The following RARB variants were observed in gnomAD, a reference collection of about 807,000 sequenced individuals.
The protein encoded by RARB is retinoic acid receptor beta.
In RARB, 17 loss-of-function variants were observed where a neutral mutation model predicts 51.9. That is an observed-to-expected ratio of 0.33 (90% CI 0.22 to 0.49). The LOEUF is 0.49. Among genes scored for constraint, RARB ranks in the 20% least tolerant of loss-of-function variants. The pLI, the probability that RARB is intolerant of heterozygous loss-of-function variation, is 0.99. For missense variants in RARB, 369 were observed against 550.8 expected, an observed-to-expected ratio of 0.67 and a Z score of 3.30; for synonymous variants, 215 against 195.4, an observed-to-expected ratio of 1.10 and a Z score of -0.84.
chr3:25,208,968 G>A (rs1373889276), intron 5 of RARB, among the ~76,000 whole-genome samples: 1 of 152,142 alleles, frequency 6.6e-6, no homozygotes, highest in African/African-American at 2.4e-5. Context: ...GACTACCCTG[G>A]GTCTAGGCTA....
chr3:25,047,050 C>G (rs1698232629), intron 2 of RARB, among the ~76,000 whole-genome samples: 1 of 152,168 alleles, frequency 6.6e-6, no homozygotes, highest in Non-Finnish European at 1.5e-5. Context: ...ACCCTTGTCA[C>G]TAAGAGCTCC....
At chr3:25,291,985 TTACCAATTTAA>T (rs1206528055) in intron 5 of RARB, among the ~76,000 whole-genome samples, 1 of 152,078 alleles carries the variant, frequency 6.6e-6, no homozygotes, top group Non-Finnish European at 1.5e-5. Flanking sequence ...CACTAAAATT[TTACCAATTTAA>T]TACAACGTTG....
rs541831350 is a variant in RARB at position 24,946,888 on chromosome 3, C to A, written c.-380+88136C>A. On this transcript the variant is annotated intron_variant, in intron 2 of 11. Transcript: ENST00000383772. The stretch of plus-strand genomic sequence containing the variant: ...AATCATAATAGTAATAATAGCAAGG[C>A]TCATGGAAAAAACAGAACAGACCAC... Among the ~76,000 whole-genome samples, 9 of 152,168 alleles carry A rather than the reference C, an allele frequency of 5.9e-5. No individual in the cohort carries two copies. The South Asian group carries it at 1.9e-3, about 32-fold the overall frequency.
At chr3:25,329,130 T>G (rs1007166051) in intron 5 of RARB, among the ~76,000 whole-genome samples, 1 of 152,186 alleles carries the variant, frequency 6.6e-6, no homozygotes, top group Non-Finnish European at 1.5e-5. Context: ...CAGCAGAAAC[T>G]TCTGCAGACT....
intron 3 of RARB, among the ~76,000 whole-genome samples, chr3:25,079,585 C>G (rs181214408): frequency 6.6e-6 from 1 of 152,236 alleles, no homozygotes; most frequent in East Asian, 1.9e-4. Context: ...CTGAGGGTTT[C>G]TATCATAATA....
intron 2 of RARB, among the ~76,000 whole-genome samples, chr3:24,942,240 GTTGGGATATAAA>G (rs1695682527): frequency 6.6e-6 from 1 of 152,180 alleles, no homozygotes; most frequent in Non-Finnish European, 1.5e-5. Flanking sequence ...TGCATTAGGT[GTTGGGATATAAA>G]AATAAACCAA....
intron 4 of RARB, among the ~76,000 whole-genome samples, chr3:25,133,963 TAAA>T (rs548061331): frequency 1.1e-4 from 14 of 127,562 alleles, no homozygotes; most frequent in South Asian, 2.5e-4. Flanking sequence ...CTGTTTTCAT[TAAA>T]AAAAAAAAAA....
chr3:24,962,730 CAGTTTCATCCTAAATCCACGA>C (rs1311444058), intron 2 of RARB, among the ~76,000 whole-genome samples: 3 of 152,174 alleles, frequency 2.0e-5, no homozygotes, highest in Non-Finnish European at 4.4e-5. Flanking sequence ...TGAGGTGGAA[CAGTTTCATCCTAAATCCACGA>C]AAGCAGTCTC....
chr3:25,196,470 T>C (rs1701239536), intron 5 of RARB, among the ~76,000 whole-genome samples: 1 of 152,188 alleles, frequency 6.6e-6, no homozygotes, highest in Non-Finnish European at 1.5e-5. Context: ...CAGTCTATCA[T>C]TGATGGACAT....
chr3:25,334,305 T>G (rs1030144333), intron 5 of RARB, among the ~76,000 whole-genome samples: 4 of 152,146 alleles, frequency 2.6e-5, no homozygotes, highest in South Asian at 2.1e-4. Context: ...TAGACCGGAT[T>G]AAGAAAATGT....
At chr3:25,299,408 C>A (rs1488494961) in intron 5 of RARB, among the ~76,000 whole-genome samples, 2 of 152,088 alleles carry the variant, frequency 1.3e-5, no homozygotes, top group African/African-American at 4.8e-5. Context: ...CCATGTTGCC[C>A]AGGCTGGTCT....
intron 5 of RARB, among the ~76,000 whole-genome samples, chr3:25,341,916 C>G (rs1705239643): frequency 6.6e-6 from 1 of 152,136 alleles, no homozygotes; most frequent in African/African-American, 2.4e-5. Flanking sequence ...TTACTTTGTT[C>G]TTTCCCTACA....
intron 5 of RARB, among the ~76,000 whole-genome samples, chr3:25,353,957 G>A (rs373470759): frequency 1.3e-5 from 2 of 152,100 alleles, no homozygotes; most frequent in East Asian, 3.9e-4. Flanking sequence ...ATGACTATAT[G>A]TTCATGCATT....
chr3:25,255,763 T>A (rs1040457997), intron 5 of RARB, among the ~76,000 whole-genome samples: 13 of 152,136 alleles, frequency 8.5e-5, no homozygotes, highest in African/African-American at 3.1e-4. Flanking sequence ...AACTGGAACC[T>A]CTTCTCCCTT....
intron 3 of RARB, among the ~76,000 whole-genome samples, chr3:25,506,256 A>C (rs1341876694): frequency 6.7e-6 from 1 of 150,052 alleles, no homozygotes; most frequent in Admixed American, 6.6e-5. Context: ...CCATCTCAAA[A>C]AAAAAAAAAA....
intron 3 of RARB, among the ~76,000 whole-genome samples, chr3:25,084,961 A>G (rs1333711819): frequency 6.6e-6 from 1 of 152,164 alleles, no homozygotes; most frequent in African/African-American, 2.4e-5. Flanking sequence ...TTATGCAATG[A>G]GCATGACAGA....
Position 25,448,991 on chromosome 3 carries a change from A to T in RARB, c.158-12202A>T, listed in dbSNP as rs959169975. On this transcript the variant is annotated intron_variant, in intron 1 of 7. Coordinates refer to ENST00000330688, the MANE Select transcript of RARB (RefSeq NM_000965.5). ...TGACAGAAAAGCTATTGCACAACCA[A>T]TTCTGGATATTGGGTTCATTCTTGT... Among the ~76,000 whole-genome samples, 4 of 152,080 alleles carry T rather than the reference A, an allele frequency of 2.6e-5. No individual in the cohort carries two copies. In the South Asian group the frequency reaches 6.2e-4, roughly 24 times the overall value.
intron 3 of RARB, among the ~76,000 whole-genome samples, chr3:25,561,384 C>T (rs765768459): frequency 1.3e-5 from 2 of 152,192 alleles, no homozygotes; most frequent in Non-Finnish European, 2.9e-5. Context: ...CTGTATTACA[C>T]AGATTATTGC....
At chr3:25,535,530 A>T (rs1278825744) in intron 3 of RARB, among the ~76,000 whole-genome samples, 1 of 151,378 alleles carries the variant, frequency 6.6e-6, no homozygotes, top group African/African-American at 2.4e-5. Context: ...CATCTTCATT[A>T]GGTATTTCTC....
Sources: allele counts gnomAD v4.1 joint callset (sites outside exome capture counted in the v4.1 genomes callset), GRCh38; gene constraint gnomAD v4.1.1; transcripts MANE v1.5; gene names NCBI Gene and HGNC (gene_info 2026-07-23, HGNC 2026-07-21).